TMEM132D: variants seen among roughly 807,000 people sequenced by gnomAD.
TMEM132D encodes the protein transmembrane protein 132D.
A neutral mutation model predicts 62.3 loss-of-function variants in TMEM132D; 21 were observed. The observed-to-expected ratio is 0.34, with a 90% CI of 0.24 to 0.49. The LOEUF is 0.49. TMEM132D is among the 20% of genes least tolerant of loss of function. TMEM132D has a pLI of 0.99. For synonymous variants in TMEM132D, 621 were observed against 575.6 expected, an observed-to-expected ratio of 1.08 and a Z score of -1.13; for missense variants, 1,346 against 1,402.8, an observed-to-expected ratio of 0.96 and a Z score of 0.65.
chr12:129,407,691 G>C (rs1274850341), intron 3 of TMEM132D, among the ~76,000 whole-genome samples: 1 of 151,908 alleles, frequency 6.6e-6, no homozygotes, highest in African/African-American at 2.4e-5. Flanking sequence ...CGGATCATGA[G>C]GTCAGGAGAT....
intron 1 of TMEM132D, among the ~76,000 whole-genome samples, chr12:129,866,402 A>T (rs1298786708): frequency 1.5e-5 from 2 of 136,454 alleles, no homozygotes; most frequent in African/African-American, 5.5e-5. Context: ...ATGAGAACAC[A>T]TGGACACAAG....
chr12:129,743,803 G>A (rs1869685799), intron 1 of TMEM132D, among the ~76,000 whole-genome samples: 1 of 152,290 alleles, frequency 6.6e-6, no homozygotes, highest in East Asian at 1.9e-4. Context: ...TGAAAGAGGG[G>A]ACATCATAAT....
chr12:129,502,125 G>C (rs1181001772), intron 3 of TMEM132D, among the ~76,000 whole-genome samples: 3 of 151,836 alleles, frequency 2.0e-5, no homozygotes, highest in Admixed American at 6.6e-5. Context: ...TCAGCCTCCC[G>C]AGTAGCTGGG....
intron 1 of TMEM132D, among the ~76,000 whole-genome samples, chr12:129,703,888 A>G (rs1326055741): frequency 6.6e-6 from 1 of 150,944 alleles, no homozygotes; most frequent in African/African-American, 2.4e-5. Context: ...CCCTATGTGG[A>G]CTCAAAAGCA....
intron 2 of TMEM132D, among the ~76,000 whole-genome samples, chr12:129,577,041 C>T (rs1207402331): frequency 6.6e-6 from 1 of 151,874 alleles, no homozygotes; most frequent in Non-Finnish European, 1.5e-5. Flanking sequence ...CTTTTCTCTG[C>T]TTCTTGGAAG....
intron 1 of TMEM132D, among the ~76,000 whole-genome samples, chr12:129,760,487 A>G (rs888537582): frequency 1.3e-5 from 2 of 151,718 alleles, no homozygotes; most frequent in Admixed American, 6.6e-5. Context: ...CCCCGCCTCC[A>G]CTACAGGCGC....
At chr12:129,345,205 A>T (rs926688619) in intron 3 of TMEM132D, among the ~76,000 whole-genome samples, 1 of 152,164 alleles carries the variant, frequency 6.6e-6, no homozygotes, top group East Asian at 1.9e-4. Flanking sequence ...TTCATGGCTC[A>T]GTTCACTTAC....
chr12:129,162,536 A>T (rs1038072605), intron 5 of TMEM132D, among the ~76,000 whole-genome samples: 3 of 152,080 alleles, frequency 2.0e-5, no homozygotes, highest in Non-Finnish European at 4.4e-5. Context: ...TCATGGTGAG[A>T]TGTGATCCCC....
At chr12:129,412,591 T>A (rs563717817) in intron 3 of TMEM132D, among the ~76,000 whole-genome samples, 1 of 152,220 alleles carries the variant, frequency 6.6e-6, no homozygotes, top group South Asian at 2.1e-4. Context: ...GTGCGGTGGC[T>A]CACACCTGTA....
chr12:129,878,980 G>C (rs909622874), intron 1 of TMEM132D, among the ~76,000 whole-genome samples: 1 of 152,178 alleles, frequency 6.6e-6, no homozygotes, highest in East Asian at 1.9e-4. Context: ...GCAGCTCCCT[G>C]TTGTAGCTAC....
At chr12:129,688,411 A>G (rs1203559679) in intron 2 of TMEM132D, among the ~76,000 whole-genome samples, 1 of 152,112 alleles carries the variant, frequency 6.6e-6, no homozygotes, top group African/African-American at 2.4e-5. Flanking sequence ...CCCCAGACCA[A>G]TGTTGGGGTC....
chr12:129,569,634 A>C (rs560784370), intron 2 of TMEM132D, among the ~76,000 whole-genome samples: 1 of 152,328 alleles, frequency 6.6e-6, no homozygotes, highest in Non-Finnish European at 1.5e-5. Flanking sequence ...AGATGTAAGC[A>C]CAAAATACAA....
At chr12:129,518,350 T>G (rs1236265096) in intron 3 of TMEM132D, among the ~76,000 whole-genome samples, 1 of 152,142 alleles carries the variant, frequency 6.6e-6, no homozygotes. Flanking sequence ...TCGTTTGCCT[T>G]TGGTGTCCTC....
At chr12:129,339,149 T>C (rs942411911) in intron 3 of TMEM132D, among the ~76,000 whole-genome samples, 6 of 152,070 alleles carry the variant, frequency 3.9e-5, no homozygotes, top group African/African-American at 1.4e-4. Context: ...CATGTGCCTA[T>C]AATCCCAGCT....
chr12:129,841,940 T>TC (rs1246900977), intron 1 of TMEM132D, among the ~76,000 whole-genome samples: 1 of 150,634 alleles, frequency 6.6e-6, no homozygotes, highest in Non-Finnish European at 1.5e-5. Flanking sequence ...CGTGTTTTTT[T>TC]TTTTTTTTGA....
rs550850730 is a variant in TMEM132D at position 129,614,303 on chromosome 12, G to A, written c.969-83098C>T. On this transcript the variant is annotated intron_variant, in intron 2 of 8. Coordinates refer to ENST00000422113, the MANE Select transcript of TMEM132D (RefSeq NM_133448.3). Reference sequence around the variant, plus strand: ...TTTTTCTCACATCATTGGATGTCCAGAAGTAAGCTGTTTCTGAGATAGTTC... The same window carrying A: ...TTTTTCTCACATCATTGGATGTCCAAAAGTAAGCTGTTTCTGAGATAGTTC... Among the ~76,000 whole-genome samples, 73 of 152,366 alleles carry A rather than the reference G, an allele frequency of 4.8e-4. 1 individual carries two copies. Among genetic ancestry groups the A allele is most frequent in the African/African-American group, 1.7e-3 (72 of 41,584 alleles).
chr12:129,873,699 C>T (rs1874327357), intron 1 of TMEM132D, among the ~76,000 whole-genome samples: 1 of 151,580 alleles, frequency 6.6e-6, no homozygotes, highest in Non-Finnish European at 1.5e-5. Flanking sequence ...AGAAGTAAAA[C>T]TCACAAAGGC....
At chr12:129,816,428 C>A (rs1373709895) in intron 1 of TMEM132D, among the ~76,000 whole-genome samples, 1 of 152,042 alleles carries the variant, frequency 6.6e-6, no homozygotes, top group Non-Finnish European at 1.5e-5. Context: ...TCACCATCGC[C>A]CCGCTTCTGA....
rs753258921 is a variant in TMEM132D at position 129,531,100 on chromosome 12, A to T, written c.1074T>A (p.Ala358=). ...CTGCTTTCTTCTGACAAACGATGAC[A>T]GCTGGTGCATACTTTCCAGTATAAT... The part of the protein sequence containing the change: ...RTDYTGKYAP[A]VIVCQKKAAG... The change falls in exon 3 of 9, where the codon GCT becomes GCA. Residue 358 remains alanine (A), a synonymous_variant. Coordinates refer to ENST00000422113, the MANE Select transcript of TMEM132D (RefSeq NM_133448.3). The T allele has an allele frequency of 6.2e-7, 1 of 1,613,904 alleles. No homozygotes were observed. The highest frequency in any genetic ancestry group is 8.5e-7 in the Non-Finnish European group (1 of 1,179,874).
Sources: gnomAD v4.1 joint callset for allele counts (sites outside exome capture counted in the v4.1 genomes callset) on GRCh38, gnomAD v4.1.1 for gene constraint, MANE v1.5 for transcripts, NCBI Gene and HGNC (gene_info 2026-07-23, HGNC 2026-07-21) for gene names.